ASPRV1: variants seen among roughly 807,000 people sequenced by gnomAD.
ASPRV1 encodes the protein retroviral-like aspartic protease 1.
A neutral mutation model predicts 11.0 loss-of-function variants in ASPRV1; 7 were observed. That is an observed-to-expected ratio of 0.64 (90% CI 0.36 to 1.20). ASPRV1 has a LOEUF of 1.20. Among genes scored for constraint, ASPRV1 ranks in the 50% most tolerant of loss-of-function variants. The pLI is 0.02. For missense variants in ASPRV1, 299 were observed against 320.0 expected, an observed-to-expected ratio of 0.93 and a Z score of 0.50; for synonymous variants, 136 against 138.4, an observed-to-expected ratio of 0.98 and a Z score of 0.12.
At chr2:69,938,773 C>T in the ASPRV1 span, 2 of 154,952 alleles carry the variant, frequency 1.3e-5, no homozygotes, top group African/African-American at 4.8e-5. Context: ...AGCACTTAAC[C>T]ATGGACCTCA....
the ASPRV1 span, among the ~76,000 whole-genome samples, chr2:69,982,031 TCATCTATCCATC>T: frequency 2.8e-5 from 4 of 141,094 alleles, no homozygotes; most frequent in Non-Finnish European, 4.6e-5. Context: ...TCCCTCCCTC[TCATCTATCCATC>T]CATCCATCCA....
At chr2:70,026,072 C>T in the ASPRV1 span, among the ~76,000 whole-genome samples, 2 of 152,172 alleles carry the variant, frequency 1.3e-5, no homozygotes, top group African/African-American at 2.4e-5. Context: ...CCTATAATCC[C>T]AGCACTTTGG....
chr2:70,068,526 A>G, the ASPRV1 span, among the ~76,000 whole-genome samples: 1 of 152,148 alleles, frequency 6.6e-6, no homozygotes, highest in Admixed American at 6.6e-5. Flanking sequence ...CAATTCCAAA[A>G]GGCACATTAT....
At chr2:70,078,089 G>A in the ASPRV1 span, among the ~76,000 whole-genome samples, 2 of 151,258 alleles carry the variant, frequency 1.3e-5, no homozygotes, top group East Asian at 1.9e-4. Context: ...CCCGGGAGGC[G>A]GAAGCTGCAC....
At chr2:69,982,251 C>T in the ASPRV1 span, among the ~76,000 whole-genome samples, 2 of 150,458 alleles carry the variant, frequency 1.3e-5, no homozygotes, top group African/African-American at 2.5e-5. Context: ...CCCAGGAGTT[C>T]GAGACCAGCC....
the ASPRV1 span, chr2:69,994,071 A>T: frequency 6.6e-6 from 1 of 152,292 alleles, no homozygotes; most frequent in Non-Finnish European, 1.5e-5. Context: ...ATCCAAAGGC[A>T]GATGGGGCCA....
chr2:69,982,461 A>G, the ASPRV1 span, among the ~76,000 whole-genome samples: 1 of 152,118 alleles, frequency 6.6e-6, no homozygotes, highest in African/African-American at 2.4e-5. Flanking sequence ...GTCTCAAAAA[A>G]TAAGTTTTCT....
chr2:69,945,804 G>A, the ASPRV1 span, among the ~76,000 whole-genome samples: 4 of 152,224 alleles, frequency 2.6e-5, no homozygotes, highest in African/African-American at 9.6e-5. Context: ...TGGACTGGGG[G>A]TATTGGAGCT....
At chr2:69,970,483 T>A in the ASPRV1 span, among the ~76,000 whole-genome samples, 1 of 152,098 alleles carries the variant, frequency 6.6e-6, no homozygotes, top group Admixed American at 6.6e-5. Flanking sequence ...TTCTCATACC[T>A]TTTCACAAGC....
chr2:70,079,671 AAC>A, the ASPRV1 span, among the ~76,000 whole-genome samples: 6 of 152,246 alleles, frequency 3.9e-5, no homozygotes, highest in Non-Finnish European at 1.5e-5. Context: ...GCTAGGGTGC[AAC>A]AGAGTATCAA....
upstream of ASPRV1, chr2:69,963,549 C>T (rs1486982361): frequency 1.4e-5 from 6 of 422,782 alleles, no homozygotes; most frequent in Middle Eastern, 6.5e-4. Flanking sequence ...AAGGGAGGAG[C>T]GAGGCAGGTG....
chr2:70,048,918 T>C, the ASPRV1 span: 3 of 152,264 alleles, frequency 2.0e-5, no homozygotes, highest in Admixed American at 1.3e-4. Context: ...CTTCCCTCTG[T>C]GTCCCTCTCT....
At chr2:69,971,514 C>G in the ASPRV1 span, among the ~76,000 whole-genome samples, 3 of 152,120 alleles carry the variant, frequency 2.0e-5, no homozygotes, top group African/African-American at 7.2e-5. Flanking sequence ...TTGTAAATTT[C>G]CAATCTGTCA....
chr2:70,031,653 A>G, the ASPRV1 span: 1 of 152,074 alleles, frequency 6.6e-6, no homozygotes, highest in African/African-American at 2.4e-5. Context: ...GCCGAGATTG[A>G]GCTACTGCAC....
the ASPRV1 span, among the ~76,000 whole-genome samples, chr2:70,013,836 G>A: frequency 6.6e-6 from 1 of 152,084 alleles, no homozygotes; most frequent in Non-Finnish European, 1.5e-5. Context: ...AGCTGCAATC[G>A]CACCACTGCA....
chr2:70,080,369 G>A, the ASPRV1 span, among the ~76,000 whole-genome samples: 1 of 152,102 alleles, frequency 6.6e-6, no homozygotes, highest in Non-Finnish European at 1.5e-5. Flanking sequence ...TGGGATTGTA[G>A]GCATGTGCCA....
At chr2:69,963,535 G>A (rs903671439), upstream of ASPRV1, 27 of 436,204 alleles carry the variant, frequency 6.2e-5, no homozygotes, top group East Asian at 1.4e-4. Context: ...GTTAGCATGC[G>A]ACCAAGGGAG....
chr2:69,985,145 G>A, the ASPRV1 span, among the ~76,000 whole-genome samples: 6 of 152,142 alleles, frequency 3.9e-5, no homozygotes, highest in South Asian at 2.1e-4. Context: ...CGTGAGCCAC[G>A]GCGCCCGGCC....
At chr2:69,933,220 A>AAAAAC in the ASPRV1 span, among the ~76,000 whole-genome samples, 1 of 147,190 alleles carries the variant, frequency 6.8e-6, no homozygotes, top group Non-Finnish European at 1.5e-5. Flanking sequence ...AAAAAAAAAA[A>AAAAAC]AAAACAAAAA....
Sources: gnomAD v4.1 joint callset for allele counts (sites outside exome capture counted in the v4.1 genomes callset) on GRCh38, gnomAD v4.1.1 for gene constraint, MANE v1.5 for transcripts, NCBI Gene and HGNC (gene_info 2026-07-23, HGNC 2026-07-21) for gene names.